Variants in PXN observed in about 807,000 individuals in gnomAD.
PXN encodes the protein testicular tissue protein Li 134.
PXN carries 61 observed loss-of-function variants against 103.6 expected under a neutral mutation model. The ratio of observed to expected loss-of-function variants is 0.59; its 90% CI spans 0.48 to 0.73. The LOEUF (loss-of-function observed/expected upper bound fraction) is 0.73. Ranked by LOEUF, PXN falls within the 30% of genes least tolerant of loss-of-function variation. The pLI, the probability that PXN is intolerant of heterozygous loss-of-function variation, is 0.00. For missense variants in PXN, 1,274 were observed against 1,460.3 expected, an observed-to-expected ratio of 0.87 and a Z score of 2.08; for synonymous variants, 562 against 607.8, an observed-to-expected ratio of 0.92 and a Z score of 1.11.
intron 1 of PXN, among the ~76,000 whole-genome samples, chr12:120,241,513 A>G (rs1321692215): frequency 6.6e-6 from 1 of 152,158 alleles, no homozygotes; most frequent in African/African-American, 2.4e-5. Flanking sequence ...GCGTTCACAA[A>G]CACATAGTGT....
Position 120,211,807 on chromosome 12 carries a change from G to A in PXN, c.*507C>T, listed in dbSNP as rs1880248540. 1 of 428,296 alleles carries A rather than the reference G, an allele frequency of 2.3e-6. No homozygotes were observed. Among genetic ancestry groups the A allele is most frequent in the African/African-American group, 2.0e-5 (1 of 49,248 alleles). The allele number at this position is 428,296 out of a possible 1,614,324, so 26.5% of individuals were successfully genotyped here. ...CAGAGAACCTTCCATGGCCCCTTTG[G>A]TTCTCTGCCTTTGGATGGATGGATT... On this transcript the variant is annotated 3_prime_UTR_variant, in exon 15 of 15. Transcript: ENST00000637617.
chr12:120,264,497 C>T (rs1022827460), intron 1 of PXN, among the ~76,000 whole-genome samples: 1 of 152,184 alleles, frequency 6.6e-6, no homozygotes, highest in Non-Finnish European at 1.5e-5. Flanking sequence ...TTCACGCCAC[C>T]CAAGGCATTC....
At chr12:120,264,925 T>C (rs1894445716) in intron 1 of PXN, among the ~76,000 whole-genome samples, 1 of 151,908 alleles carries the variant, frequency 6.6e-6, no homozygotes, top group African/African-American at 2.4e-5. Flanking sequence ...AAATGAGTGA[T>C]GGGTCCTTGA....
rs1421594859 is a variant in PXN, at chr12:120,221,997, G to A, written c.696-239C>T. 2.6e-5 allele frequency among the ~76,000 whole-genome samples: 4 copies of A among 152,178 alleles called. No homozygotes were observed. Among genetic ancestry groups the A allele is most frequent in the African/African-American group, 7.2e-5 (3 of 41,444 alleles). ...CCAGCCCAAGTGAAAGCTGGCCTGC[G>A]AAACAAGCCCAAGCGCCCTGTGTTT... On this transcript the variant is annotated intron_variant, in intron 5 of 14. Transcript: ENST00000637617. The surrounding 1 kb of genome is among the most constrained non-coding windows in gnomAD (Gnocchi z 6.6).
At chr12:120,227,850 C>A (rs1887209445) in intron 1 of PXN, among the ~76,000 whole-genome samples, 1 of 152,156 alleles carries the variant, frequency 6.6e-6, no homozygotes, top group Non-Finnish European at 1.5e-5. Flanking sequence ...CCATAGGCTG[C>A]AAAATGGTTA....
At chr12:120,252,481 G>A (rs1277346663) in intron 1 of PXN, among the ~76,000 whole-genome samples, 1 of 152,122 alleles carries the variant, frequency 6.6e-6, no homozygotes, top group Non-Finnish European at 1.5e-5. Flanking sequence ...GGTGAGTCAG[G>A]AGAAGGCTAT....
At position 120,229,499 on chromosome 12, in the gene PXN, C is replaced by T. The variant is rs1887592871; in HGVS notation, c.14-5122G>A. 1.3e-5 allele frequency among the ~76,000 whole-genome samples: 2 copies of T among 152,210 alleles called. No homozygotes were observed. The highest frequency in any genetic ancestry group is 2.9e-5 in the Non-Finnish European group (2 of 68,028). On this transcript the variant is annotated intron_variant, in intron 1 of 14. Transcript: ENST00000637617. The surrounding 1 kb of genome is among the most constrained non-coding windows in gnomAD (Gnocchi z 4.0). ...ACAACTTGTACGGTGAATCCTCAGT[C>T]ACCTGGGCTCTGCTCAATGGCTGAA...
chr12:120,237,604 GAGA>G (rs1169257101), intron 1 of PXN, among the ~76,000 whole-genome samples: 1 of 152,164 alleles, frequency 6.6e-6, no homozygotes, highest in Non-Finnish European at 1.5e-5. Flanking sequence ...CACGAGTGCT[GAGA>G]AGAAGTGGGG....
intron 1 of PXN, among the ~76,000 whole-genome samples, chr12:120,256,292 C>T (rs1311458160): frequency 1.3e-5 from 2 of 151,718 alleles, no homozygotes; most frequent in African/African-American, 4.8e-5. Context: ...TGCCTGTAGT[C>T]CCAGCTGCTC....
rs1885556836 is a variant in PXN, at chr12:120,222,726, A to C, written c.518T>G (p.Leu173Arg). ...ATAGAGGGGGCTCAGGGCCCCAGGA[A>C]GCGGGGGGCTTGAGTTGGCCTCATC... ...PADEANSSPPLPGALSPLYGV... is the reference protein window; with the variant it reads ...PADEANSSPPRPGALSPLYGV... Residue 173 changes from leucine to arginine, a missense_variant, in exon 5 of 15, where the codon CTT becomes CGT. This residue lies in a region of PXN where 1,178 missense variants were observed against 1,309.0 expected (regional missense o/e 0.90). Transcript: ENST00000637617. This position sits in a 1 kb window ranked among gnomAD's most constrained non-coding sequence, Gnocchi z 4.7. The C allele has an allele frequency of 6.2e-7, 1 of 1,608,120 alleles. No individual in the cohort carries two copies.
chr12:120,219,444 C>A lies in PXN; in HGVS notation c.1479G>T (p.Arg493Ser). 6.3e-7 allele frequency: 1 copy of A among 1,598,214 alleles called. No homozygotes were observed. Among genetic ancestry groups the A allele is most frequent in the South Asian group, 1.1e-5 (1 of 91,072 alleles). ...EEHGLQQERP[R>S]PEPGRLGSSS... The stretch of plus-strand genomic sequence containing the variant: ...TGCTTCCCAGCCTCCCTGGCTCTGG[C>A]CTTGGCCTCTCCTGCTGTAGGCCAT... The change falls in exon 7 of 15, where the codon AGG (arginine) becomes AGT (serine). Residue 493 changes from arginine (R) to serine (S), a missense_variant. Arg to Ser is a moderately radical substitution (Grantham distance 110). Coordinates refer to ENST00000637617, the MANE Select transcript of PXN (RefSeq NM_001385981.1). The surrounding 1 kb of genome is among the most constrained non-coding windows in gnomAD (Gnocchi z 6.5).
intron 1 of PXN, among the ~76,000 whole-genome samples, chr12:120,236,801 G>T (rs1889149604): frequency 6.6e-6 from 1 of 151,258 alleles, no homozygotes; most frequent in African/African-American, 2.4e-5. Flanking sequence ...TTTTATTTAT[G>T]TATTTATTTA....
At chr12:120,227,235 G>A (rs921856038) in intron 1 of PXN, 2 of 844,530 alleles carry the variant, frequency 2.4e-6, no homozygotes, top group Non-Finnish European at 2.9e-6. Context: ...GTGTGGTGGC[G>A]CATGCCTATA....
rs1416133044 is a variant in PXN, at chr12:120,219,590, C to T, written c.1333G>A (p.Gly445Arg). The T allele has an allele frequency of 6.4e-6, 10 of 1,564,130 alleles. No individual in the cohort carries two copies. The highest frequency in any genetic ancestry group is 2.7e-5 in the African/African-American group (2 of 74,086). ...WEQPWASEVF[G>R]PERMPPSGAA... ...CCAGAGGGGGGCATTCTCTCAGGCC[C>T]GAATACCTCCGAAGCCCATGGCTGC... The change falls in exon 7 of 15, where the codon GGG becomes AGG. Residue 445 changes from glycine (G) to arginine (R), a missense_variant. Gly to Arg is a moderately radical substitution (Grantham distance 125). Coordinates refer to ENST00000637617, the MANE Select transcript of PXN (RefSeq NM_001385981.1). The surrounding 1 kb of genome is among the most constrained non-coding windows in gnomAD (Gnocchi z 6.5).
At chr12:120,256,763 G>C (rs2136679813) in intron 1 of PXN, among the ~76,000 whole-genome samples, 1 of 152,216 alleles carries the variant, frequency 6.6e-6, no homozygotes, top group South Asian at 2.1e-4. Flanking sequence ...TGTCACCCAG[G>C]CTGGAGTGCA....
At chr12:120,231,146 C>G (rs922652239) in intron 1 of PXN, among the ~76,000 whole-genome samples, 3 of 152,178 alleles carry the variant, frequency 2.0e-5, no homozygotes, top group African/African-American at 7.2e-5. Context: ...CTCAGCGGAT[C>G]CTCTAACCTC....
At chr12:120,226,899 A>G (rs1886985136) in intron 1 of PXN, 1 of 992,654 alleles carries the variant, frequency 1.0e-6, no homozygotes, top group Admixed American at 5.9e-5. Flanking sequence ...TGCAGACATC[A>G]GTTGCAAATA....
chr12:120,212,111 G>T lies in PXN; in HGVS notation c.*203C>A. On this transcript the variant is annotated 3_prime_UTR_variant, in exon 15 of 15. Coordinates refer to ENST00000637617, the MANE Select transcript of PXN (RefSeq NM_001385981.1). This position sits in a 1 kb window ranked among gnomAD's most constrained non-coding sequence, Gnocchi z 7.2. ...GGCAGCCTAGGGAGAGCTACAGGAG[G>T]GAGGAGGGGGCCCAGAGGCTCTGGC... The T allele has an allele frequency of 1.2e-6, 1 of 808,590 alleles. No homozygotes were observed. Among genetic ancestry groups the T allele is most frequent in the Non-Finnish European group, 2.1e-6 (1 of 470,036 alleles). The allele number at this position is 808,590 out of a possible 1,614,324, so 50.1% of individuals were successfully genotyped here.
At chr12:120,223,091 GAGGAGATGCGAAGTCTTC>G in intron 3 of PXN, 92 bp from the exon 4 acceptor site, 3 of 1,593,050 alleles carry the variant, frequency 1.9e-6, no homozygotes, top group Non-Finnish European at 2.6e-6. Context: ...GAACAAGGCA[GAGGAGATGCGAAGTCTTC>G]CCCCGCAAGA....
Sources: gnomAD v4.1 joint callset for allele counts (sites outside exome capture counted in the v4.1 genomes callset) on GRCh38, gnomAD v4.1.1 for gene constraint, gnomAD v4.1.1 regional missense constraint, Gnocchi (gnomAD v3.1) non-coding constraint, MANE v1.5 for transcripts, NCBI Gene and HGNC (gene_info 2026-07-23, HGNC 2026-07-21) for gene names.